The following PLEKHG1 variants were observed in gnomAD, a reference collection of about 807,000 sequenced individuals.
PLEKHG1 encodes pleckstrin homology domain-containing family G member 1.
Under a neutral mutation model 100.8 loss-of-function variants are expected in PLEKHG1, and 44 were observed. That is an observed-to-expected ratio of 0.44 (90% CI 0.34 to 0.56). PLEKHG1 has a LOEUF of 0.56. Among genes scored for constraint, PLEKHG1 ranks in the 20% least tolerant of loss-of-function variants. PLEKHG1 has a pLI of 0.01. For missense variants in PLEKHG1, 1,545 were observed against 1,720.9 expected (o/e 0.90, Z 1.81); for synonymous variants, 640 against 662.5 (o/e 0.97, Z 0.52).
Position 150,840,578 on chromosome 6 carries a change from T to C in PLEKHG1, c.3840T>C (p.Tyr1280=), listed in dbSNP as rs115581743. 769 of 1,614,170 alleles carry C rather than the reference T, an allele frequency of 4.8e-4. 5 individuals carry two copies. The African/African-American group carries it at 9.2e-3, about 19-fold the overall frequency. The change falls in exon 16 of 16, where the codon TAT becomes TAC. Residue 1280 remains tyrosine, a synonymous_variant. Coordinates refer to ENST00000358517, the Ensembl canonical transcript of PLEKHG1. ...AGACTGATGGAGATGAAGATGACTA[T>C]GTGGAAATCAAGTCAGAAGAAGATG...
intron 3 of PLEKHG1, among the ~76,000 whole-genome samples, chr6:150,713,162 A>C (rs1390258389): frequency 2.0e-5 from 3 of 152,208 alleles, no homozygotes; most frequent in Non-Finnish European, 2.9e-5. Flanking sequence ...AAGAAAGATC[A>C]GCAGGATGTT....
upstream of PLEKHG1, among the ~76,000 whole-genome samples, chr6:150,719,562 T>A (rs997156001): frequency 6.6e-6 from 1 of 152,134 alleles, no homozygotes; most frequent in Non-Finnish European, 1.5e-5. Context: ...ATCCTTACTC[T>A]AAGTGTAATA....
At chr6:150,628,580 C>T (rs574690336) in intron 1 of PLEKHG1, among the ~76,000 whole-genome samples, 1 of 37,990 alleles carries the variant, frequency 2.6e-5, no homozygotes, top group Non-Finnish European at 6.2e-5. Context: ...ACACACACCC[C>T]GTCCTTGCCC....
intron 1 of PLEKHG1, among the ~76,000 whole-genome samples, chr6:150,724,718 C>T (rs1383738775): frequency 1.3e-5 from 2 of 151,938 alleles, no homozygotes; most frequent in East Asian, 3.9e-4. Flanking sequence ...TGCCACTACG[C>T]CTGGCTAATT....
chr6:150,603,061 G>A (rs1255856337), intron 1 of PLEKHG1, among the ~76,000 whole-genome samples: 2 of 116,924 alleles, frequency 1.7e-5, no homozygotes, highest in African/African-American at 6.5e-5. Context: ...CAACCTGGGC[G>A]ACAGCGAGAC....
chr6:150,793,213 G>A (rs1786098307), intron 4 of PLEKHG1, among the ~76,000 whole-genome samples: 1 of 152,082 alleles, frequency 6.6e-6, no homozygotes, highest in Admixed American at 6.6e-5. Flanking sequence ...AGACCAGACT[G>A]GGCAATATAG....
chr6:150,694,430 C>T (rs944232096), intron 3 of PLEKHG1, among the ~76,000 whole-genome samples: 3 of 151,696 alleles, frequency 2.0e-5, no homozygotes, highest in Non-Finnish European at 4.4e-5. Flanking sequence ...CTGGGCACGG[C>T]GGCTCACAGC....
chr6:150,707,107 C>G (rs1353971018), intron 3 of PLEKHG1, among the ~76,000 whole-genome samples: 1 of 146,422 alleles, frequency 6.8e-6, no homozygotes, highest in Non-Finnish European at 1.5e-5. Context: ...CAGGTTCAAG[C>G]GATTCTCCTG....
chr6:150,621,123 T>C (rs955157009), intron 1 of PLEKHG1, among the ~76,000 whole-genome samples: 6 of 152,186 alleles, frequency 3.9e-5, no homozygotes, highest in African/African-American at 1.4e-4. Context: ...GAGTCATTAA[T>C]ACTGGCAATG....
At chr6:150,617,356 A>C (rs914096975) in intron 1 of PLEKHG1, among the ~76,000 whole-genome samples, 1 of 152,240 alleles carries the variant, frequency 6.6e-6, no homozygotes, top group Admixed American at 6.5e-5. Context: ...CAGTTGAGTC[A>C]ACGGAATTGT....
At chr6:150,603,094 TA>T (rs1456634355) in intron 1 of PLEKHG1, among the ~76,000 whole-genome samples, 1 of 118,146 alleles carries the variant, frequency 8.5e-6, no homozygotes, top group Non-Finnish European at 1.7e-5. Flanking sequence ...AAAAAAAAAA[TA>T]AAAAAAAAGA....
intron 3 of PLEKHG1, among the ~76,000 whole-genome samples, chr6:150,693,203 A>G (rs1582952585): frequency 6.6e-6 from 1 of 152,162 alleles, no homozygotes; most frequent in African/African-American, 2.4e-5. Context: ...CAGGAGAATC[A>G]CTTGAACCTG....
chr6:150,636,335 C>T (rs1777997291), intron 1 of PLEKHG1, among the ~76,000 whole-genome samples: 3 of 152,060 alleles, frequency 2.0e-5, no homozygotes, highest in Admixed American at 6.5e-5. Context: ...ACAGCCACAC[C>T]TTTTGAGAGG....
intron 14 of PLEKHG1, among the ~76,000 whole-genome samples, chr6:150,826,373 A>G (rs532921010): frequency 6.6e-6 from 1 of 152,162 alleles, no homozygotes; most frequent in East Asian, 1.9e-4. Context: ...CAGGAGAATC[A>G]CTTGAACCCG....
intron 10 of PLEKHG1, among the ~76,000 whole-genome samples, chr6:150,813,557 G>A (rs1787674624): frequency 6.6e-6 from 1 of 152,166 alleles, no homozygotes; most frequent in African/African-American, 2.4e-5. Flanking sequence ...GCACGCAGTT[G>A]CAGTAATTGG....
chr6:150,641,487 G>A (rs923523944), intron 2 of PLEKHG1, among the ~76,000 whole-genome samples: 2 of 152,138 alleles, frequency 1.3e-5, no homozygotes, highest in African/African-American at 4.8e-5. Context: ...TCTCAAGTCC[G>A]GATTGAAAAT....
In PLEKHG1 at chr6:150,809,688, TAA is replaced by T; in HGVS notation, c.1234_1235del (p.Lys412GlufsTer14). On this transcript the variant is annotated frameshift_variant, in exon 10 of 16. Coordinates refer to ENST00000358517, the Ensembl canonical transcript of PLEKHG1. LOFTEE classifies it high-confidence loss of function. ...GACAAACGCCTCTGGGTTCTGCACC[TAA>T]AGAGACTGATTCTGGAGAACCATGC... is the stretch of plus-strand genomic sequence containing the variant. The T allele has an allele frequency of 6.2e-7, 1 of 1,614,012 alleles. No homozygotes were observed. Among genetic ancestry groups the T allele is most frequent in the Non-Finnish European group, 8.5e-7 (1 of 1,179,972 alleles).
At chr6:150,771,374 G>A (rs943661579) in intron 3 of PLEKHG1, among the ~76,000 whole-genome samples, 5 of 151,636 alleles carry the variant, frequency 3.3e-5, no homozygotes, top group East Asian at 2.0e-4. Flanking sequence ...CCGAGATCGC[G>A]CCACTGCACT....
chr6:150,703,610 A>G (rs75570936), intron 3 of PLEKHG1, among the ~76,000 whole-genome samples: 1 of 150,724 alleles, frequency 6.6e-6, no homozygotes, highest in Non-Finnish European at 1.5e-5. Context: ...TAAAAAAAAA[A>G]AAAACAAAAC....
Sources: gnomAD v4.1 joint callset for allele counts (sites outside exome capture counted in the v4.1 genomes callset) on GRCh38, gnomAD v4.1.1 for gene constraint, MANE v1.5 for transcripts, NCBI Gene and HGNC (gene_info 2026-07-23, HGNC 2026-07-21) for gene names.